Variants in PCDHGB6 observed in about 807,000 individuals in gnomAD.
PCDHGB6 encodes the protein protocadherin gamma-B6.
In PCDHGB6, 51 loss-of-function variants were observed where a neutral mutation model predicts 59.1. That is an observed-to-expected ratio of 0.86 (90% confidence interval 0.69 to 1.09). PCDHGB6 has a LOEUF of 1.09. Ranked by LOEUF, PCDHGB6 falls within the 50% of genes least tolerant of loss-of-function variation. PCDHGB6 has a pLI of 0.00. For synonymous variants in PCDHGB6, 466 were observed against 495.1 expected, an observed-to-expected ratio of 0.94 and a Z score of 0.78; for missense variants, 1,148 against 1,205.1, an observed-to-expected ratio of 0.95 and a Z score of 0.70.
Position 141,487,500 on chromosome 5 carries a change from C to G in PCDHGB6, c.2419-7307C>G. 6.2e-7 allele frequency: 1 copy of G among 1,614,178 alleles called. No individual in the cohort carries two copies. Among genetic ancestry groups the G allele is most frequent in the East Asian group, 2.2e-5 (1 of 44,862 alleles). Reference sequence around the variant, plus strand: ...CACTCTCATGGCTGTACACCCTTGGCTTCTGCACCCACTCGGAGTGATAGC... The same window carrying G: ...CACTCTCATGGCTGTACACCCTTGGGTTCTGCACCCACTCGGAGTGATAGC... On this transcript the variant is annotated intron_variant, in intron 1 of 3. Coordinates refer to ENST00000520790, the MANE Select transcript of PCDHGB6 (RefSeq NM_018926.3). The surrounding 1 kb of genome is among the most constrained non-coding windows in gnomAD (Gnocchi z 5.0).
At chr5:141,449,796 A>G (rs1358409274) in intron 1 of PCDHGB6, among the ~76,000 whole-genome samples, 2 of 151,590 alleles carry the variant, frequency 1.3e-5, no homozygotes, top group Admixed American at 6.6e-5. Context: ...TTATTCCTAA[A>G]TACCTCATTG....
Position 141,477,187 on chromosome 5 carries a change from G to A in PCDHGB6, c.2419-17620G>A, listed in dbSNP as rs2154575648. ...CCCCGGAGATCACAGTCACCTCCGT[G>A]TACAGCCCAGTACCCGAGGATGCCC... On this transcript the variant is annotated intron_variant, in intron 1 of 3. Coordinates refer to ENST00000520790, the MANE Select transcript of PCDHGB6 (RefSeq NM_018926.3). The surrounding 1 kb of genome is among the most constrained non-coding windows in gnomAD (Gnocchi z 4.9). The A allele has an allele frequency of 6.2e-7, 1 of 1,614,190 alleles. No individual in the cohort carries two copies. The highest frequency in any genetic ancestry group is 2.2e-5 in the East Asian group (1 of 44,874).
intron 1 of PCDHGB6, chr5:141,419,512 G>T (rs754877872): frequency 3.7e-6 from 6 of 1,612,296 alleles, no homozygotes; most frequent in South Asian, 1.1e-5. Context: ...TGCGCGTGTT[G>T]GTGGGCGACC....
intron 1 of PCDHGB6, chr5:141,421,459 G>T: frequency 6.2e-7 from 1 of 1,614,142 alleles, no homozygotes; most frequent in South Asian, 1.1e-5. Context: ...GCTTTTCGCT[G>T]TGAATCCGCG....
intron 1 of PCDHGB6, among the ~76,000 whole-genome samples, chr5:141,474,788 A>G (rs1426105047): frequency 6.6e-6 from 1 of 152,232 alleles, no homozygotes; most frequent in Non-Finnish European, 1.5e-5. Context: ...AACACTTTAC[A>G]TCTAATGGAG....
chr5:141,487,068 T>C lies in PCDHGB6; in HGVS notation c.2419-7739T>C. ...TATGCTGGGGAGGTGCGGACGGCTG[T>C]TCCTATCCCAGCTGACCTCCCACCA... On this transcript the variant is annotated intron_variant, in intron 1 of 3. Transcript: ENST00000520790. The surrounding 1 kb of genome is among the most constrained non-coding windows in gnomAD (Gnocchi z 5.0). The C allele has an allele frequency of 6.2e-7, 1 of 1,614,166 alleles. No individual in the cohort carries two copies. The highest frequency in any genetic ancestry group is 8.5e-7 in the Non-Finnish European group (1 of 1,180,016).
intron 1 of PCDHGB6, chr5:141,418,919 G>C: frequency 6.2e-7 from 1 of 1,614,016 alleles, no homozygotes. Flanking sequence ...GTCACTCTCT[G>C]ATCAGATTAT....
At chr5:141,473,450 T>A (rs2099322542) in intron 1 of PCDHGB6, among the ~76,000 whole-genome samples, 2 of 152,150 alleles carry the variant, frequency 1.3e-5, no homozygotes, top group South Asian at 4.1e-4. Flanking sequence ...AAAATAATTA[T>A]AAAATTTAAA....
rs72790040 is a variant in PCDHGB6 at position 141,409,591 on chromosome 5, G to A, written c.1389G>A (p.Glu463=). 0.026 allele frequency: 42,493 copies of A among 1,613,766 alleles called. 744 individuals carry two copies. Among genetic ancestry groups the A allele is most frequent in the East Asian group, 0.041 (1,848 of 44,868 alleles). ...DQTSYVVHVA[E]NNPPGASIAQ... ...CGTCCTACGTGGTCCACGTGGCCGA[G>A]AACAACCCGCCAGGAGCCTCCATTG... The change falls in exon 1 of 4, where the codon GAG becomes GAA. Residue 463 remains glutamate, a synonymous_variant. Coordinates refer to ENST00000520790, the MANE Select transcript of PCDHGB6 (RefSeq NM_018926.3).
rs969397099 is a variant in PCDHGB6, at chr5:141,477,807, C to T, written c.2419-17000C>T. 6.2e-6 allele frequency: 10 copies of T among 1,613,932 alleles called. No homozygotes were observed. Among genetic ancestry groups the T allele is most frequent in the African/African-American group, 1.3e-5 (1 of 74,922 alleles). ...TTTGTCACTGATCGCAATGACAATG[C>T]CCCCCAGGTCCTATATCCTCGGCCA... is the stretch of plus-strand genomic sequence containing the variant. On this transcript the variant is annotated intron_variant, in intron 1 of 3. Transcript: ENST00000520790. The surrounding 1 kb of genome is among the most constrained non-coding windows in gnomAD (Gnocchi z 4.9).
chr5:141,450,006 C>CT lies in PCDHGB6; in HGVS notation c.2418+39404dup, dbSNP rs1554136305. ...CACATTGCATTTAGTTGCCATGTCT[C>CT]TTTTTTTTTTTTTTTTTTGAGACAG... On this transcript the variant is annotated intron_variant, in intron 1 of 3. Coordinates refer to ENST00000520790, the MANE Select transcript of PCDHGB6 (RefSeq NM_018926.3). Among the ~76,000 whole-genome samples the CT allele has an allele frequency of 9.8e-3, 1,304 of 132,922 alleles. 21 individuals are homozygous for CT. Among genetic ancestry groups the CT allele is most frequent in the Non-Finnish European group, 0.015 (957 of 62,878 alleles). 87.2% of individuals were successfully genotyped at this position (132,922 alleles called of 152,430 possible).
intron 1 of PCDHGB6, among the ~76,000 whole-genome samples, chr5:141,445,720 G>T (rs2098475440): frequency 6.6e-6 from 1 of 152,158 alleles, no homozygotes; most frequent in Non-Finnish European, 1.5e-5. Flanking sequence ...AGAGGAAATA[G>T]CATGTGTAAA....
At chr5:141,507,017 C>CACTT (rs763489200) in intron 3 of PCDHGB6, 1 of 152,206 alleles carries the variant, frequency 6.6e-6, no homozygotes, top group Non-Finnish European at 1.5e-5. Flanking sequence ...ACCGAGAAGG[C>CACTT]ACTTGCCCCA....
chr5:141,432,378 C>A lies in PCDHGB6; in HGVS notation c.2418+21758C>A. On this transcript the variant is annotated intron_variant, in intron 1 of 3. Coordinates refer to ENST00000520790, the MANE Select transcript of PCDHGB6 (RefSeq NM_018926.3). This position sits in a 1 kb window ranked among gnomAD's most constrained non-coding sequence, Gnocchi z 6.0. ...GTGATGGCGCGGGACAACGGGCACC[C>A]GCCCCTCAGCAGCAACGTGTCGTTG... 6.2e-7 allele frequency: 1 copy of A among 1,614,234 alleles called. No individual in the cohort carries two copies. Among genetic ancestry groups the A allele is most frequent in the South Asian group, 1.1e-5 (1 of 91,082 alleles).
intron 1 of PCDHGB6, among the ~76,000 whole-genome samples, chr5:141,446,153 AT>A (rs1158236808): frequency 1.3e-5 from 2 of 152,362 alleles, no homozygotes; most frequent in East Asian, 3.9e-4. Flanking sequence ...TAGGTGGAAT[AT>A]AAATTTCATG....
chr5:141,494,434 T>A (rs976526647), intron 1 of PCDHGB6, among the ~76,000 whole-genome samples: 2 of 152,166 alleles, frequency 1.3e-5, no homozygotes, highest in Middle Eastern at 3.2e-3. Flanking sequence ...AAAAGCCTCC[T>A]TTGCCACTTT....
chr5:141,478,911 T>TA, intron 1 of PCDHGB6: 1 of 871,162 alleles, frequency 1.1e-6, no homozygotes, highest in Non-Finnish European at 1.7e-6. Flanking sequence ...AGCTGCTGGA[T>TA]ACCTCTAACC....
chr5:141,445,433 C>A (rs2098466883), intron 1 of PCDHGB6, among the ~76,000 whole-genome samples: 1 of 152,136 alleles, frequency 6.6e-6, no homozygotes, highest in Non-Finnish European at 1.5e-5. Flanking sequence ...AAGGCACTGA[C>A]CTATGGACTA....
chr5:141,420,225 C>G, intron 1 of PCDHGB6: 1 of 1,603,470 alleles, frequency 6.2e-7, no homozygotes. Flanking sequence ...ATGCTACTGG[C>G]TAGCATTTTA....
Sources: allele counts gnomAD v4.1 joint callset (sites outside exome capture counted in the v4.1 genomes callset), GRCh38; gene constraint gnomAD v4.1.1; non-coding constraint Gnocchi (gnomAD v3.1); transcripts MANE v1.5; gene names NCBI Gene and HGNC (gene_info 2026-07-23, HGNC 2026-07-21).